Variants in CYYR1 observed in about 807,000 individuals in gnomAD.
CYYR1 encodes cysteine and tyrosine rich 1, also known as cysteine and tyrosine-rich protein 1.
A neutral mutation model predicts 15.2 loss-of-function variants in CYYR1; 14 were observed. That is an observed-to-expected ratio of 0.92 (90% CI 0.61 to 1.44). CYYR1 has a LOEUF of 1.44. Among genes scored for constraint, CYYR1 ranks in the 40% most tolerant of loss-of-function variants. CYYR1 has a pLI of 0.00. For missense variants in CYYR1, 228 were observed against 209.5 expected (o/e 1.09, Z -0.54); for synonymous variants, 80 against 77.4 (o/e 1.03, Z -0.18).
Position 26,553,134 on chromosome 21 carries a change from T to C in CYYR1, c.176+13132A>G, listed in dbSNP as rs79087291. Among the ~76,000 whole-genome samples the C allele has an allele frequency of 6.5e-3, 989 of 152,286 alleles. 10 individuals carry two copies. The highest frequency in any genetic ancestry group is 0.023 in the African/African-American group (938 of 41,572). On this transcript the variant is annotated intron_variant, in intron 2 of 3. Coordinates refer to ENST00000652641, the MANE Select transcript of CYYR1 (RefSeq NM_001320768.2). ...ATTTTTTACTTGATATAGAGGTTGA[T>C]AATTCTATTCTTTTGGCACTTAAAA... is the stretch of plus-strand genomic sequence containing the variant.
chr21:26,514,561 C>T (rs1012876361), intron 2 of CYYR1, among the ~76,000 whole-genome samples: 1 of 152,170 alleles, frequency 6.6e-6, no homozygotes, highest in Non-Finnish European at 1.5e-5. Context: ...GCCAAATAAA[C>T]CTATTTTCTT....
At chr21:26,482,427 A>C in intron 2 of CYYR1, 1 of 985,200 alleles carries the variant, frequency 1.0e-6, no homozygotes. Flanking sequence ...TCCCCTGATG[A>C]TTTCCTTCTT....
At chr21:26,511,749 C>A (rs959789698) in intron 2 of CYYR1, among the ~76,000 whole-genome samples, 1 of 152,260 alleles carries the variant, frequency 6.6e-6, no homozygotes, top group South Asian at 2.1e-4. Flanking sequence ...TCCCCTTTAA[C>A]CCCAAAGATT....
At chr21:26,515,637 G>T (rs1569156458) in intron 2 of CYYR1, among the ~76,000 whole-genome samples, 1 of 151,978 alleles carries the variant, frequency 6.6e-6, no homozygotes, top group African/African-American at 2.4e-5. Context: ...TCTTTATTCA[G>T]AACTGCTCTC....
At chr21:26,548,259 A>G (rs1370551108) in intron 2 of CYYR1, among the ~76,000 whole-genome samples, 1 of 152,254 alleles carries the variant, frequency 6.6e-6, no homozygotes, top group East Asian at 1.9e-4. Context: ...AGTTTATGAA[A>G]TGATGGTTTG....
At chr21:26,506,027 G>A (rs553701422) in intron 2 of CYYR1, among the ~76,000 whole-genome samples, 7 of 152,054 alleles carry the variant, frequency 4.6e-5, no homozygotes, top group Non-Finnish European at 7.4e-5. Context: ...TTATGTATAT[G>A]CCCATGGAAC....
At chr21:26,555,790 A>G (rs985643708) in intron 2 of CYYR1, among the ~76,000 whole-genome samples, 2 of 152,138 alleles carry the variant, frequency 1.3e-5, no homozygotes, top group African/African-American at 2.4e-5. Flanking sequence ...CAGCTGGGAG[A>G]CACTGTGTTC....
chr21:26,567,542 G>GT (rs1980719195), intron 1 of CYYR1, among the ~76,000 whole-genome samples: 1 of 151,998 alleles, frequency 6.6e-6, no homozygotes, highest in African/African-American at 2.4e-5. Flanking sequence ...TGACTTAGTC[G>GT]TATAAGTTAT....
chr21:26,482,319 T>C (rs2065192606), intron 2 of CYYR1: 2 of 984,458 alleles, frequency 2.0e-6, no homozygotes, highest in South Asian at 9.4e-5. Context: ...TACATATTGA[T>C]ATCTGCTCCT....
intron 2 of CYYR1, among the ~76,000 whole-genome samples, chr21:26,513,816 A>G (rs1441393485): frequency 6.6e-6 from 1 of 151,128 alleles, no homozygotes; most frequent in Non-Finnish European, 1.5e-5. Context: ...TTGCAAGGAC[A>G]AAAAACCAAA....
intron 3 of CYYR1, 89 bp from the exon 4 acceptor site, chr21:26,468,723 G>C (rs1320662487): frequency 4.0e-6 from 4 of 1,011,614 alleles, no homozygotes; most frequent in Middle Eastern, 3.3e-4. Context: ...TACTTTGGGA[G>C]GGGACATAAA....
At chr21:26,495,598 G>C (rs1759175813) in intron 2 of CYYR1, among the ~76,000 whole-genome samples, 1 of 152,184 alleles carries the variant, frequency 6.6e-6, no homozygotes, top group South Asian at 2.1e-4. Flanking sequence ...GAGCAGATCT[G>C]CGTGACTGGG....
chr21:26,503,381 T>C (rs1280948474), intron 2 of CYYR1, among the ~76,000 whole-genome samples: 1 of 152,236 alleles, frequency 6.6e-6, no homozygotes, highest in Non-Finnish European at 1.5e-5. Context: ...CTGAGTATTA[T>C]ATTTTCTTGG....
intron 2 of CYYR1, among the ~76,000 whole-genome samples, chr21:26,527,642 C>T (rs920006538): frequency 1.3e-5 from 2 of 151,960 alleles, no homozygotes; most frequent in Non-Finnish European, 2.9e-5. Flanking sequence ...TTTTATTTTG[C>T]CTGAATATGG....
chr21:26,566,749 C>A (rs1444034971), intron 1 of CYYR1, among the ~76,000 whole-genome samples: 1 of 152,138 alleles, frequency 6.6e-6, no homozygotes, highest in Non-Finnish European at 1.5e-5. Flanking sequence ...ATGGCTCACG[C>A]ATGTAATCCC....
At chr21:26,541,693 TTAAAA>T (rs1189253765) in intron 2 of CYYR1, among the ~76,000 whole-genome samples, 2 of 152,176 alleles carry the variant, frequency 1.3e-5, no homozygotes, top group African/African-American at 2.4e-5. Context: ...TAATGATTGT[TTAAAA>T]TAAAAATAAC....
At chr21:26,533,038 G>A (rs919392406) in intron 2 of CYYR1, among the ~76,000 whole-genome samples, 10 of 149,554 alleles carry the variant, frequency 6.7e-5, no homozygotes, top group African/African-American at 2.5e-4. Context: ...AAATTCTTAA[G>A]TCTGAAATAC....
At chr21:26,470,869 A>T (rs2065024339) in intron 3 of CYYR1, 3 of 152,486 alleles carry the variant, frequency 2.0e-5, no homozygotes, top group Admixed American at 2.0e-4. Flanking sequence ...GAGCCACAGA[A>T]CTGAGTGGGA....
intron 2 of CYYR1, among the ~76,000 whole-genome samples, chr21:26,538,240 G>A (rs1242116332): frequency 1.3e-5 from 2 of 152,190 alleles, no homozygotes; most frequent in Non-Finnish European, 2.9e-5. Flanking sequence ...AGAAGTGGAA[G>A]TTGGAAAGTA....
Sources: gnomAD v4.1 joint callset for allele counts (sites outside exome capture counted in the v4.1 genomes callset) on GRCh38, gnomAD v4.1.1 for gene constraint, MANE v1.5 for transcripts, NCBI Gene and HGNC (gene_info 2026-07-23, HGNC 2026-07-21) for gene names.